FAM20B: variants seen among roughly 807,000 people sequenced by gnomAD.
FAM20B encodes the protein glycosaminoglycan xylosylkinase.
A neutral mutation model predicts 43.8 loss-of-function variants in FAM20B; 23 were observed. That is an observed-to-expected ratio of 0.53 (90% CI 0.38 to 0.74). The LOEUF (loss-of-function observed/expected upper bound fraction) is 0.74. FAM20B is among the 30% of genes least tolerant of loss of function. The pLI is 0.00. For missense variants in FAM20B, 440 were observed against 510.5 expected, an observed-to-expected ratio of 0.86 and a Z score of 1.33; for synonymous variants, 178 against 192.4, an observed-to-expected ratio of 0.93 and a Z score of 0.62.
intron 1 of FAM20B, among the ~76,000 whole-genome samples, chr1:179,040,639 G>A (rs1650460052): frequency 7.3e-6 from 1 of 136,188 alleles, no homozygotes; most frequent in Non-Finnish European, 1.6e-5. Context: ...TCACCTCCCG[G>A]ACGGGGCGGC....
chr1:179,037,350 T>G (rs931614200), intron 1 of FAM20B, among the ~76,000 whole-genome samples: 1 of 82,194 alleles, frequency 1.2e-5, no homozygotes, highest in Non-Finnish European at 2.2e-5. Flanking sequence ...TGAAAACTTG[T>G]TTAGTCTCTT....
At chr1:179,025,207 G>T (rs1649704184), upstream of FAM20B, among the ~76,000 whole-genome samples, 1 of 152,194 alleles carries the variant, frequency 6.6e-6, no homozygotes, top group Admixed American at 6.5e-5. Context: ...GTCGGGCATT[G>T]GCGACCCAGG....
intron 4 of FAM20B, among the ~76,000 whole-genome samples, chr1:179,060,503 C>G (rs1163297119): frequency 1.3e-5 from 2 of 152,168 alleles, no homozygotes; most frequent in African/African-American, 4.8e-5. Flanking sequence ...GCATTATATT[C>G]TCATAGGAGC....
At chr1:179,060,666 A>G (rs999134616) in intron 4 of FAM20B, among the ~76,000 whole-genome samples, 32 of 152,200 alleles carry the variant, frequency 2.1e-4, no homozygotes, top group African/African-American at 7.5e-4. Flanking sequence ...GTCTTCCACT[A>G]AACCAGTCCC....
intron 4 of FAM20B, among the ~76,000 whole-genome samples, chr1:179,060,155 T>TAA: frequency 6.6e-6 from 1 of 152,188 alleles, no homozygotes; most frequent in East Asian, 1.9e-4. Context: ...TTTGCATACT[T>TAA]CTGCATCTTA....
chr1:179,044,403 T>C (rs1650680861), intron 2 of FAM20B, among the ~76,000 whole-genome samples, 179 bp downstream of exon 2: 2 of 152,234 alleles, frequency 1.3e-5, no homozygotes, highest in South Asian at 4.1e-4. Flanking sequence ...TAGTATCATA[T>C]AGAATAGTCT....
At chr1:179,036,444 C>T (rs868552458) in intron 1 of FAM20B, among the ~76,000 whole-genome samples, 3 of 152,258 alleles carry the variant, frequency 2.0e-5, no homozygotes, top group Middle Eastern at 3.4e-3. Context: ...CATTGTTGCA[C>T]TGTTTGAAGC....
upstream of FAM20B, among the ~76,000 whole-genome samples, chr1:179,022,459 T>TGC (rs1375572538): frequency 1.3e-5 from 2 of 152,152 alleles, no homozygotes; most frequent in Admixed American, 1.3e-4. Flanking sequence ...TGTGTGTGTG[T>TGC]GTGCGCGCGC....
chr1:179,051,836 C>T (rs1291052895), intron 3 of FAM20B, among the ~76,000 whole-genome samples: 3 of 151,872 alleles, frequency 2.0e-5, no homozygotes, highest in South Asian at 2.1e-4. Flanking sequence ...TTAGTAAACA[C>T]GGGGTTTCAC....
the FAM20B span, among the ~76,000 whole-genome samples, chr1:179,019,762 G>A: frequency 3.3e-5 from 5 of 152,088 alleles, no homozygotes; most frequent in East Asian, 5.8e-4. Flanking sequence ...GCGCCTGGCC[G>A]AGACCCTTTC....
In FAM20B at chr1:179,073,090, G is replaced by A. The variant is rs1488407157; in HGVS notation, c.*946G>A. ...GTTGCCTGTGGTCTCTGTCATCCTC[G>A]TTTCTCTTCTGAAATGAATTTCCAC... On this transcript the variant is annotated 3_prime_UTR_variant, in exon 8 of 8. Transcript: ENST00000263733. 2 of 152,084 alleles carry A rather than the reference G, an allele frequency of 1.3e-5. No individual in the cohort carries two copies. The highest frequency in any genetic ancestry group is 2.4e-5 in the African/African-American group (1 of 41,392). The allele number at this position is 152,084 out of a possible 1,614,324, so 9.4% of individuals were successfully genotyped here. A position where few individuals can be genotyped will look rare whatever the true frequency, so the allele number is the denominator to read the frequency against.
chr1:179,044,512 T>C (rs777246996), intron 2 of FAM20B, among the ~76,000 whole-genome samples: 19 of 152,238 alleles, frequency 1.2e-4, no homozygotes, highest in Non-Finnish European at 1.2e-4. Context: ...CTCCGTAGTT[T>C]TGCCTTTTCC....
At chr1:179,029,793 A>G (rs941526847) in intron 1 of FAM20B, among the ~76,000 whole-genome samples, 3 of 152,238 alleles carry the variant, frequency 2.0e-5, no homozygotes, top group Non-Finnish European at 2.9e-5. Flanking sequence ...GCAATGCCTC[A>G]TTTACCTAAT....
intron 1 of FAM20B, among the ~76,000 whole-genome samples, chr1:179,041,613 G>A (rs895916071): frequency 1.3e-5 from 2 of 151,832 alleles, no homozygotes; most frequent in Non-Finnish European, 2.9e-5. Flanking sequence ...GAGGGAGACC[G>A]TGGAAAGAGA....
At chr1:179,038,750 A>G (rs1650356396) in intron 1 of FAM20B, among the ~76,000 whole-genome samples, 1 of 152,262 alleles carries the variant, frequency 6.6e-6, no homozygotes, top group African/African-American at 2.4e-5. Context: ...TGAGTTCCAC[A>G]CCAAACTTGA....
intron 3 of FAM20B, among the ~76,000 whole-genome samples, chr1:179,053,088 A>G (rs950841465): frequency 6.6e-6 from 1 of 152,132 alleles, no homozygotes; most frequent in Non-Finnish European, 1.5e-5. Flanking sequence ...ATAATGTTTC[A>G]GTTTGTGACT....
chr1:179,057,359 T>A (rs1651268838), intron 4 of FAM20B, among the ~76,000 whole-genome samples: 1 of 151,996 alleles, frequency 6.6e-6, no homozygotes, highest in South Asian at 2.1e-4. Context: ...AAAAAAAAAA[T>A]ATTTTCTTCA....
At position 179,072,184 on chromosome 1, in the gene FAM20B, TAGAG is replaced by T. The variant is rs1557881659; in HGVS notation, c.*42_*45del. Reference sequence around the variant, plus strand: ...TAAGTGAAACTTCTTTTTACAAAGATAGAGAAACAGCACAATCAATTCCAAATGG... The same window carrying T: ...TAAGTGAAACTTCTTTTTACAAAGATAAACAGCACAATCAATTCCAAATGG... On this transcript the variant is annotated 3_prime_UTR_variant, in exon 8 of 8. Coordinates refer to ENST00000263733, the MANE Select transcript of FAM20B (RefSeq NM_014864.4). 5.4e-6 allele frequency: 8 copies of T among 1,470,618 alleles called. No individual in the cohort carries two copies. Among genetic ancestry groups the T allele is most frequent in the Non-Finnish European group, 7.5e-6 (8 of 1,064,702 alleles). 91.1% of individuals were successfully genotyped at this position (1,470,618 alleles called of 1,614,324 possible).
intron 2 of FAM20B, among the ~76,000 whole-genome samples, chr1:179,048,186 C>T (rs1379839256): frequency 6.6e-6 from 1 of 151,932 alleles, no homozygotes; most frequent in African/African-American, 2.4e-5. Context: ...AAGGCAGGGG[C>T]CTAGAAGCGC....
Sources: gnomAD v4.1 joint callset for allele counts (sites outside exome capture counted in the v4.1 genomes callset) on GRCh38, gnomAD v4.1.1 for gene constraint, MANE v1.5 for transcripts, NCBI Gene and HGNC (gene_info 2026-07-23, HGNC 2026-07-21) for gene names.